The following NR3C2 variants were observed in gnomAD, a reference collection of about 807,000 sequenced individuals.
NR3C2 encodes the protein mineralocorticoid receptor.
NR3C2 carries 15 observed loss-of-function variants against 86.4 expected under a neutral mutation model. That is an observed-to-expected ratio of 0.17 (90% CI 0.12 to 0.27). NR3C2 has a LOEUF of 0.27. NR3C2 is among the 10% of genes least tolerant of loss of function. NR3C2 has a pLI of 1.00. For missense variants in NR3C2, 960 were observed against 1,195.6 expected, an observed-to-expected ratio of 0.80 and a Z score of 2.91; for synonymous variants, 458 against 450.5, an observed-to-expected ratio of 1.02 and a Z score of -0.21.
intron 2 of NR3C2, among the ~76,000 whole-genome samples, chr4:148,328,686 G>A (rs1744083313): frequency 1.3e-5 from 2 of 152,252 alleles, no homozygotes; most frequent in Non-Finnish European, 1.5e-5. Flanking sequence ...TAGTAAAGAG[G>A]TCATCATTAA....
chr4:148,395,635 C>T (rs1210740174), intron 2 of NR3C2, among the ~76,000 whole-genome samples: 2 of 152,190 alleles, frequency 1.3e-5, no homozygotes, highest in African/African-American at 2.4e-5. Flanking sequence ...CTTATTTGCT[C>T]TCATTGTACA....
intron 5 of NR3C2, 72 bp downstream of exon 5, chr4:148,154,479 G>A: frequency 2.2e-6 from 3 of 1,362,210 alleles, no homozygotes; most frequent in Non-Finnish European, 2.1e-6. Flanking sequence ...CTGCATGGTT[G>A]GAGATGGCGA....
intron 2 of NR3C2, among the ~76,000 whole-genome samples, chr4:148,401,859 A>T (rs576233202): frequency 6.6e-6 from 1 of 152,284 alleles, no homozygotes; most frequent in Admixed American, 6.5e-5. Flanking sequence ...GGGATCACAA[A>T]GACTCAGCCC....
chr4:148,414,139 C>A lies in NR3C2; in HGVS notation c.1757+20965G>T, dbSNP rs368367108. On this transcript the variant is annotated intron_variant, in intron 2 of 8. Transcript: ENST00000358102. ...TAAACTACATCTAAATGTATCATCACACATAAAGCTCAAAAATCATTAGAT... is the reference window on the plus strand; with the variant it reads ...TAAACTACATCTAAATGTATCATCAAACATAAAGCTCAAAAATCATTAGAT... 3.9e-5 allele frequency among the ~76,000 whole-genome samples: 6 copies of A among 152,302 alleles called. No individual in the cohort carries two copies. The East Asian group carries it at 5.8e-4, about 15-fold the overall frequency.
At position 148,425,446 on chromosome 4, in the gene NR3C2, A is replaced by T. The variant is rs1356379132; in HGVS notation, c.1757+9658T>A. Among the ~76,000 whole-genome samples the T allele has an allele frequency of 5.3e-5, 8 of 152,198 alleles. No individual in the cohort carries two copies. The East Asian group carries it at 1.5e-3, about 29-fold the overall frequency. The stretch of plus-strand genomic sequence containing the variant: ...CAAGGAAGGCCTCTCTGGGAGGGTG[A>T]CATTTGAACTAATCCTAAGTGACAA... On this transcript the variant is annotated intron_variant, in intron 2 of 8. Coordinates refer to ENST00000358102, the MANE Select transcript of NR3C2 (RefSeq NM_000901.5).
chr4:148,361,243 A>C (rs1745821515), intron 2 of NR3C2, among the ~76,000 whole-genome samples: 1 of 152,242 alleles, frequency 6.6e-6, no homozygotes, highest in Admixed American at 6.5e-5. Flanking sequence ...GACAGCCCAC[A>C]TCAGTTACCC....
At chr4:148,444,315 AG>A, upstream of NR3C2, 1 of 985,454 alleles carries the variant, frequency 1.0e-6, no homozygotes, top group Non-Finnish European at 1.2e-6. Flanking sequence ...AGAACCGTGC[AG>A]GGGCAGCCGC....
Position 148,314,576 on chromosome 4 carries a change from C to T in NR3C2, c.1758-54459G>A, listed in dbSNP as rs149267527. On this transcript the variant is annotated intron_variant, in intron 2 of 8. Coordinates refer to ENST00000358102, the MANE Select transcript of NR3C2 (RefSeq NM_000901.5). The stretch of plus-strand genomic sequence containing the variant: ...TACAGTACTTGAATAAAACTGCATG[C>T]GTGTCCATATTTTAAATATGATCCT... Among the ~76,000 whole-genome samples the T allele has an allele frequency of 1.5e-3, 229 of 152,066 alleles. 1 individual carries two copies. Among genetic ancestry groups the T allele is most frequent in the African/African-American group, 4.0e-3 (168 of 41,490 alleles).
chr4:148,383,436 T>G (rs1311870853), intron 2 of NR3C2, among the ~76,000 whole-genome samples: 1 of 152,158 alleles, frequency 6.6e-6, no homozygotes, highest in Non-Finnish European at 1.5e-5. Flanking sequence ...TTGCCCTTGG[T>G]TAAAAATTAC....
chr4:148,427,008 T>C (rs976861170), intron 2 of NR3C2, among the ~76,000 whole-genome samples: 4 of 151,912 alleles, frequency 2.6e-5, no homozygotes, highest in South Asian at 2.1e-4. Flanking sequence ...CAGGCTGAAG[T>C]GTAGTACACG....
intron 2 of NR3C2, among the ~76,000 whole-genome samples, chr4:148,298,086 T>C (rs1427095630): frequency 3.3e-5 from 5 of 152,146 alleles, no homozygotes; most frequent in Non-Finnish European, 7.4e-5. Context: ...ACAATTCCCC[T>C]CTTAGATATT....
chr4:148,398,827 C>T (rs1054399197), intron 2 of NR3C2, among the ~76,000 whole-genome samples: 8 of 152,082 alleles, frequency 5.3e-5, no homozygotes, highest in Non-Finnish European at 1.2e-4. Flanking sequence ...AAGAAGTACC[C>T]TGGGTAGTGA....
chr4:148,217,675 T>C (rs116612514), intron 3 of NR3C2, among the ~76,000 whole-genome samples: 1,893 of 152,336 alleles, frequency 0.012, 39 homozygotes, highest in African/African-American at 0.042. Flanking sequence ...CTCTTATCCA[T>C]TTACATTTTT....
intron 6 of NR3C2, among the ~76,000 whole-genome samples, chr4:148,123,233 A>C (rs772791530): frequency 3.9e-5 from 6 of 152,010 alleles, no homozygotes; most frequent in African/African-American, 7.2e-5. Context: ...TGCCCTGGTA[A>C]ATTTGTGGTC....
In NR3C2 at chr4:148,080,548, C is replaced by T. The variant is rs1319712922; in HGVS notation, c.*796G>A. On this transcript the variant is annotated 3_prime_UTR_variant, in exon 9 of 9. Transcript: ENST00000358102. ...AATACTTTCCCATTCATCCTATTAA[C>T]CATTAAAGATTTTTTTTGTATGTGT... The T allele has an allele frequency of 6.3e-6, 1 of 157,520 alleles. No individual in the cohort carries two copies. The highest frequency in any genetic ancestry group is 2.4e-5 in the African/African-American group (1 of 41,610). 9.8% of individuals were successfully genotyped at this position (157,520 alleles called of 1,614,324 possible). A position where few individuals can be genotyped will look rare whatever the true frequency, so the allele number is the denominator to read the frequency against.
intron 2 of NR3C2, among the ~76,000 whole-genome samples, chr4:148,422,679 A>G (rs1033425995): frequency 8.5e-5 from 13 of 152,262 alleles, no homozygotes; most frequent in Admixed American, 8.5e-4. Context: ...ATCAAAATCC[A>G]TATGTCACTA....
Sources: gnomAD v4.1 joint callset for allele counts (sites outside exome capture counted in the v4.1 genomes callset) on GRCh38, gnomAD v4.1.1 for gene constraint, MANE v1.5 for transcripts, NCBI Gene and HGNC (gene_info 2026-07-23, HGNC 2026-07-21) for gene names.